The following TBC1D8 variants were observed in gnomAD, a reference collection of about 807,000 sequenced individuals.
The protein encoded by TBC1D8 is TBC1 domain family member 8, also known as BUB2-like protein 1.
In TBC1D8, 65 loss-of-function variants were observed where a neutral mutation model predicts 118.8. The ratio of observed to expected loss-of-function variants is 0.55; its 90% confidence interval spans 0.45 to 0.67. TBC1D8 has a LOEUF of 0.67. TBC1D8 is among the 30% of genes least tolerant of loss of function. The pLI is 0.00. For missense variants in TBC1D8, 1,376 were observed against 1,471.2 expected, an observed-to-expected ratio of 0.94 and a Z score of 1.06; for synonymous variants, 566 against 595.8, an observed-to-expected ratio of 0.95 and a Z score of 0.73.
In TBC1D8 at chr2:101,022,354, G is replaced by A. The variant is rs199849103; in HGVS notation, c.2688C>T (p.Ala896=). The A allele has an allele frequency of 1.5e-4, 249 of 1,612,462 alleles. 1 individual carries two copies. The African/African-American group carries it at 2.4e-3, about 15-fold the overall frequency. Residue 896 remains alanine, a synonymous_variant, in exon 16 of 20, where the codon GCC becomes GCT. Coordinates refer to ENST00000409318, the MANE Select transcript of TBC1D8 (RefSeq NM_001330348.2). ...CATCCAAGAGCCTGAACGTCCTTTCGGCGAGGATCTCCGTGTGGGCCCCGC... is the reference window on the plus strand; with the variant it reads ...CATCCAAGAGCCTGAACGTCCTTTCAGCGAGGATCTCCGTGTGGGCCCCGC... ...WTCGAHTEIL[A]ERTFRLLDDN...
intron 1 of TBC1D8, among the ~76,000 whole-genome samples, chr2:101,095,249 T>TTTATTATTATTATTATTATTATTA (rs61200526): frequency 0.032 from 4,623 of 146,282 alleles, 113 homozygotes; most frequent in African/African-American, 0.042. Context: ...AAGTATTTTC[T>TTTATTATTATTATTATTATTATTA]TTATTATTAT....
chr2:101,130,108 A>C (rs1402908423), intron 1 of TBC1D8, among the ~76,000 whole-genome samples: 2 of 152,148 alleles, frequency 1.3e-5, no homozygotes, highest in African/African-American at 2.4e-5. Flanking sequence ...CAGGAGTCGC[A>C]ACAATGAGTC....
intron 2 of TBC1D8, among the ~76,000 whole-genome samples, chr2:101,067,777 C>T (rs1161677226): frequency 6.6e-6 from 1 of 152,206 alleles, no homozygotes; most frequent in African/African-American, 2.4e-5. Flanking sequence ...AAGTTTCTGG[C>T]ACGATTGACT....
chr2:101,040,080 G>T, intron 6 of TBC1D8, 98 bp downstream of exon 6: 1 of 1,396,254 alleles, frequency 7.2e-7, no homozygotes, highest in East Asian at 2.3e-5. Context: ...AAACTGTGCC[G>T]TCTGAACTTC....
intron 1 of TBC1D8, among the ~76,000 whole-genome samples, chr2:101,142,827 G>A (rs1321500739): frequency 6.6e-6 from 1 of 152,108 alleles, no homozygotes; most frequent in Non-Finnish European, 1.5e-5. Flanking sequence ...GGAAGGGAGG[G>A]AAATGTAATC....
At chr2:101,083,840 A>G (rs1675420445) in intron 2 of TBC1D8, among the ~76,000 whole-genome samples, 1 of 152,168 alleles carries the variant, frequency 6.6e-6, no homozygotes, top group Non-Finnish European at 1.5e-5. Context: ...AATGCTCAAG[A>G]CACAATAAAA....
intron 2 of TBC1D8, among the ~76,000 whole-genome samples, chr2:101,075,136 C>G (rs1175755576): frequency 6.6e-6 from 1 of 152,178 alleles, no homozygotes; most frequent in African/African-American, 2.4e-5. Flanking sequence ...AGTGGCTACA[C>G]CTGTAATCCC....
intron 2 of TBC1D8, among the ~76,000 whole-genome samples, chr2:101,087,504 G>A (rs755506237): frequency 1.3e-4 from 20 of 151,926 alleles, no homozygotes; most frequent in East Asian, 5.8e-4. Flanking sequence ...TTAGCCGAGC[G>A]TGGTGGCGCA....
chr2:101,132,889 T>C (rs1216249224), intron 1 of TBC1D8, among the ~76,000 whole-genome samples: 1 of 151,916 alleles, frequency 6.6e-6, no homozygotes, highest in African/African-American at 2.4e-5. Flanking sequence ...CGTGAGCCAC[T>C]GTTTCTGTTT....
intron 2 of TBC1D8, among the ~76,000 whole-genome samples, chr2:101,073,286 AT>A (rs1558676266): frequency 1.4e-5 from 2 of 142,860 alleles, no homozygotes; most frequent in African/African-American, 2.7e-5. Flanking sequence ...ATTTTATTTT[AT>A]TTTATTTTAT....
chr2:101,078,027 T>C (rs1308256409), intron 2 of TBC1D8, among the ~76,000 whole-genome samples: 1 of 151,786 alleles, frequency 6.6e-6, no homozygotes, highest in African/African-American at 2.4e-5. Context: ...GGCCCAGTCA[T>C]CCCCCGCAGA....
Position 101,026,027 on chromosome 2 carries a change from A to G in TBC1D8, c.2520+1356T>C, listed in dbSNP as rs553893555. On this transcript the variant is annotated intron_variant, in intron 15 of 19. Transcript: ENST00000409318. Reference sequence around the variant, plus strand: ...GGAAGGATAAAAACAGGAAACAAACATGGTTGGCTTTGAAGGCCTTTTTTA... The same window carrying G: ...GGAAGGATAAAAACAGGAAACAAACGTGGTTGGCTTTGAAGGCCTTTTTTA... Among the ~76,000 whole-genome samples the G allele has an allele frequency of 1.2e-4, 18 of 152,322 alleles. No homozygotes were observed. The East Asian group carries it at 2.5e-3, about 21-fold the overall frequency.
intron 3 of TBC1D8, among the ~76,000 whole-genome samples, chr2:101,058,278 ACC>A (rs1321703182): frequency 6.6e-6 from 1 of 152,038 alleles, no homozygotes; most frequent in Non-Finnish European, 1.5e-5. Flanking sequence ...CCCACAAGTA[ACC>A]CCCAGTCCCC....
intron 1 of TBC1D8, among the ~76,000 whole-genome samples, chr2:101,111,964 C>T (rs1015196837): frequency 1.3e-5 from 2 of 150,426 alleles, no homozygotes; most frequent in Admixed American, 1.3e-4. Flanking sequence ...GAGATTTCTG[C>T]AGTTGAGCTC....
chr2:101,020,759 C>T (rs1418376378), intron 17 of TBC1D8, among the ~76,000 whole-genome samples: 1 of 152,138 alleles, frequency 6.6e-6, no homozygotes. Flanking sequence ...CTGCATGCTG[C>T]TCTGAGTAAT....
chr2:101,026,397 C>A (rs867665995), intron 15 of TBC1D8, among the ~76,000 whole-genome samples: 1 of 152,184 alleles, frequency 6.6e-6, no homozygotes, highest in African/African-American at 2.4e-5. Context: ...ATGATGTGTA[C>A]GGGAGAAAGC....
chr2:101,029,494 C>T lies in TBC1D8; in HGVS notation c.2219G>A (p.Ser740Asn), dbSNP rs749836689. Residue 740 changes from serine (S) to asparagine (N), a missense_variant, in exon 12 of 20, where the codon AGC becomes AAC. Transcript: ENST00000409318. ...ACAGAGGTGCAGCGGGGCCCACCTG[C>T]TGAGGATCATCAAGGCCTGGCCATC... is the stretch of plus-strand genomic sequence containing the variant. ...KDDGQALMILSRFLDHIKNED... is the reference protein window; with the variant it reads ...KDDGQALMILNRFLDHIKNED... 6.2e-7 allele frequency: 1 copy of T among 1,611,360 alleles called. No homozygotes were observed. Among genetic ancestry groups the T allele is most frequent in the East Asian group, 2.2e-5 (1 of 44,808 alleles).
intron 2 of TBC1D8, among the ~76,000 whole-genome samples, chr2:101,059,925 C>G (rs985186152): frequency 1.3e-5 from 2 of 151,780 alleles, no homozygotes; most frequent in African/African-American, 4.8e-5. Flanking sequence ...GGCGAGAGTG[C>G]GAGACTCCGT....
intron 1 of TBC1D8, among the ~76,000 whole-genome samples, chr2:101,109,458 T>C (rs768258756): frequency 2.0e-5 from 3 of 152,104 alleles, no homozygotes; most frequent in East Asian, 1.9e-4. Flanking sequence ...CAAAAATATA[T>C]ACATATATAC....
Sources: gnomAD v4.1 joint callset for allele counts (sites outside exome capture counted in the v4.1 genomes callset) on GRCh38, gnomAD v4.1.1 for gene constraint, MANE v1.5 for transcripts, NCBI Gene and HGNC (gene_info 2026-07-23, HGNC 2026-07-21) for gene names.